The following PCDHGA1 variants were observed in gnomAD, a reference collection of about 807,000 sequenced individuals.
PCDHGA1 encodes protocadherin gamma subfamily A, 1, also known as protocadherin gamma-A1.
In PCDHGA1, 32 loss-of-function variants were observed where a neutral mutation model predicts 58.0. The observed-to-expected ratio is 0.55, with a 90% CI of 0.42 to 0.74. The LOEUF (loss-of-function observed/expected upper bound fraction) is 0.74, where lower values mean the gene tolerates loss of function less well. Ranked by LOEUF, PCDHGA1 falls within the 30% of genes least tolerant of loss-of-function variation. PCDHGA1 has a pLI of 0.00. For missense variants in PCDHGA1, 1,205 were observed against 1,182.3 expected (o/e 1.02, Z -0.28); for synonymous variants, 498 against 501.1 (o/e 0.99, Z 0.08).
intron 3 of PCDHGA1, among the ~76,000 whole-genome samples, chr5:141,507,645 G>A (rs565235954): frequency 6.6e-6 from 1 of 152,382 alleles, no homozygotes; most frequent in South Asian, 2.1e-4. Flanking sequence ...CTGAGGCCAG[G>A]AAGCAGCTTT....
intron 1 of PCDHGA1, chr5:141,427,090 A>G: frequency 2.2e-6 from 1 of 458,214 alleles, no homozygotes; most frequent in East Asian, 6.9e-5. Context: ...GACCAGGATG[A>G]GGGTGTCAAT....
At chr5:141,346,835 T>C (rs1410668727) in intron 1 of PCDHGA1, among the ~76,000 whole-genome samples, 2 of 152,236 alleles carry the variant, frequency 1.3e-5, no homozygotes, top group East Asian at 3.8e-4. Context: ...TAAATAGGCC[T>C]TTTTCATTTT....
intron 1 of PCDHGA1, chr5:141,361,644 C>T (rs1762109660): frequency 6.2e-7 from 1 of 1,613,846 alleles, no homozygotes; most frequent in Non-Finnish European, 8.5e-7. Context: ...AGATTTTATC[C>T]TACGTGTCCG....
chr5:141,394,184 C>G, intron 1 of PCDHGA1: 1 of 1,613,944 alleles, frequency 6.2e-7, no homozygotes, highest in Non-Finnish European at 8.5e-7. Context: ...ATGCCTCCTA[C>G]TCAGCGTATA....
At chr5:141,391,305 T>G (rs2092341171) in intron 1 of PCDHGA1, 1 of 151,546 alleles carries the variant, frequency 6.6e-6, no homozygotes, top group Non-Finnish European at 1.5e-5. Context: ...GTCTTTCGAT[T>G]CTTTTTTTTT....
intron 1 of PCDHGA1, chr5:141,366,446 G>T: frequency 6.2e-7 from 1 of 1,614,178 alleles, no homozygotes; most frequent in South Asian, 1.1e-5. Context: ...CGTCTTCCTG[G>T]CCTTCGTCAT....
Position 141,383,215 on chromosome 5 carries a change from T to C in PCDHGA1, c.2421+50110T>C, listed in dbSNP as rs375026409. ...TCAGAGTGCGCGGTGTCTGGTAAAC[T>C]TTAACATCCTGATGGAAGATAAAAT... On this transcript the variant is annotated intron_variant, in intron 1 of 3. Coordinates refer to ENST00000517417, the MANE Select transcript of PCDHGA1 (RefSeq NM_018912.3). The C allele has an allele frequency of 5.6e-6, 9 of 1,613,884 alleles. No individual in the cohort carries two copies. The African/African-American group carries it at 1.2e-4, about 22-fold the overall frequency.
Position 141,491,078 on chromosome 5 carries a change from C to G in PCDHGA1, c.2422-3729C>G, listed in dbSNP as rs1386717886. The G allele has an allele frequency of 5.6e-6, 9 of 1,614,194 alleles. No homozygotes were observed. Among genetic ancestry groups the G allele is most frequent in the East Asian group, 4.5e-5 (2 of 44,882 alleles). ...CTCTCCTACTCACTGTTGCCACAGTCCACAGCCCCAGGACTGTTCCTCGTG... is the reference window on the plus strand; with the variant it reads ...CTCTCCTACTCACTGTTGCCACAGTGCACAGCCCCAGGACTGTTCCTCGTG... On this transcript the variant is annotated intron_variant, in intron 1 of 3. Transcript: ENST00000517417. This position sits in a 1 kb window ranked among gnomAD's most constrained non-coding sequence, Gnocchi z 6.9.
intron 1 of PCDHGA1, chr5:141,430,592 C>A (rs2097296542): frequency 1.8e-6 from 1 of 544,568 alleles, no homozygotes; most frequent in Non-Finnish European, 2.9e-6. Flanking sequence ...TCGCCTTGCA[C>A]GCGCCTGAAG....
At chr5:141,369,672 A>G (rs545394407) in intron 1 of PCDHGA1, among the ~76,000 whole-genome samples, 2 of 152,370 alleles carry the variant, frequency 1.3e-5, no homozygotes, top group East Asian at 3.9e-4. Flanking sequence ...AAGAGAAGAA[A>G]GTGAAACATA....
At chr5:141,350,809 T>C (rs1758566818) in intron 1 of PCDHGA1, 8 of 1,613,916 alleles carry the variant, frequency 5.0e-6, no homozygotes, top group Middle Eastern at 1.6e-4. Context: ...AGGAAAGTCC[T>C]GATGGAAGTA....
intron 1 of PCDHGA1, among the ~76,000 whole-genome samples, chr5:141,460,959 A>ATG (rs1248175237): frequency 7.9e-6 from 1 of 126,082 alleles, no homozygotes; most frequent in Non-Finnish European, 1.6e-5. Flanking sequence ...ATGTATATAT[A>ATG]TATGTGTGTG....
At chr5:141,346,319 C>T (rs745940898) in intron 1 of PCDHGA1, 5 of 1,614,222 alleles carry the variant, frequency 3.1e-6, no homozygotes, top group Non-Finnish European at 4.2e-6. Context: ...TCACTGCGGA[C>T]TCGCGGAAGA....
At chr5:141,362,024 G>T (rs987930042) in intron 1 of PCDHGA1, 2 of 1,608,122 alleles carry the variant, frequency 1.2e-6, no homozygotes, top group African/African-American at 1.3e-5. Flanking sequence ...CGCACAGCGC[G>T]TGCCTTGGGC....
intron 1 of PCDHGA1, chr5:141,392,917 T>C: frequency 2.5e-6 from 4 of 1,613,922 alleles, no homozygotes; most frequent in Non-Finnish European, 3.4e-6. Context: ...CGCTACTCTG[T>C]GCCAGAAGAG....
At chr5:141,385,189 C>A (rs368141492) in intron 1 of PCDHGA1, 696 of 1,614,224 alleles carry the variant, frequency 4.3e-4, no homozygotes, top group Non-Finnish European at 5.4e-4. Flanking sequence ...CGCGGACTCT[C>A]GGAAGAGTCA....
chr5:141,387,765 T>C, intron 1 of PCDHGA1: 1 of 1,431,622 alleles, frequency 7.0e-7, no homozygotes, highest in East Asian at 2.5e-5. Flanking sequence ...AAAAGAAGAA[T>C]TTTTTCTTGA....
intron 1 of PCDHGA1, among the ~76,000 whole-genome samples, chr5:141,430,322 C>G (rs1266324669): frequency 6.7e-6 from 1 of 150,364 alleles, no homozygotes; most frequent in Non-Finnish European, 1.5e-5. Flanking sequence ...AGATTAAAAT[C>G]ATTGTTTATA....
At chr5:141,453,083 A>G (rs1404530649) in intron 1 of PCDHGA1, among the ~76,000 whole-genome samples, 1 of 152,044 alleles carries the variant, frequency 6.6e-6, no homozygotes, top group African/African-American at 2.4e-5. Flanking sequence ...CTGGTTGATT[A>G]GTATATTTTC....
Sources: gnomAD v4.1 joint callset for allele counts (sites outside exome capture counted in the v4.1 genomes callset) on GRCh38, gnomAD v4.1.1 for gene constraint, Gnocchi (gnomAD v3.1) non-coding constraint, MANE v1.5 for transcripts, NCBI Gene and HGNC (gene_info 2026-07-23, HGNC 2026-07-21) for gene names.